RBFOX1: variants seen among roughly 807,000 people sequenced by gnomAD.
RBFOX1 encodes the protein RNA binding fox-1 homolog 1, also known as RNA binding protein fox-1 homolog 1.
A neutral mutation model predicts 57.7 loss-of-function variants in RBFOX1; 8 were observed. That is an observed-to-expected ratio of 0.14 (90% confidence interval 0.08 to 0.25). The LOEUF (loss-of-function observed/expected upper bound fraction) is 0.25. Among genes scored for constraint, RBFOX1 ranks in the 10% least tolerant of loss-of-function variants. RBFOX1 has a pLI of 1.00. For missense variants in RBFOX1, 611 were observed against 548.5 expected (o/e 1.11, Z -1.14); for synonymous variants, 326 against 222.4 (o/e 1.47, Z -4.15).
intron 4 of RBFOX1, among the ~76,000 whole-genome samples, chr16:7,085,959 A>G (rs1323978553): frequency 1.3e-5 from 2 of 152,110 alleles, no homozygotes; most frequent in Non-Finnish European, 2.9e-5. Context: ...TACTAAGCAG[A>G]TTGGTCAGTG....
chr16:5,348,190 TC>T (rs2065186911), intron 1 of RBFOX1, among the ~76,000 whole-genome samples: 1 of 149,562 alleles, frequency 6.7e-6, no homozygotes, highest in Non-Finnish European at 1.5e-5. Flanking sequence ...AATAATCTAC[TC>T]TTCCACCCGC....
intron 1 of RBFOX1, among the ~76,000 whole-genome samples, chr16:6,106,560 G>C (rs1028408817): frequency 6.6e-6 from 1 of 151,940 alleles, no homozygotes; most frequent in South Asian, 2.1e-4. Context: ...TCAATGAGAC[G>C]GTCATGGACT....
intron 3 of RBFOX1, among the ~76,000 whole-genome samples, chr16:5,843,874 A>G (rs1437345638): frequency 6.6e-6 from 1 of 152,236 alleles, no homozygotes; most frequent in African/African-American, 2.4e-5. Context: ...AGAAGTATGC[A>G]GCAAGCTCCA....
intron 3 of RBFOX1, among the ~76,000 whole-genome samples, chr16:6,738,558 A>G (rs940790680): frequency 2.8e-4 from 43 of 152,210 alleles, no homozygotes; most frequent in African/African-American, 1.0e-3. Context: ...CTCAACATCC[A>G]TCTCGCAACA....
At chr16:7,640,127 T>G (rs2062517762) in intron 11 of RBFOX1, among the ~76,000 whole-genome samples, 1 of 152,248 alleles carries the variant, frequency 6.6e-6, no homozygotes, top group Non-Finnish European at 1.5e-5. Flanking sequence ...GGTTCATTTG[T>G]ATTTTTAATC....
At chr16:7,657,932 A>G (rs906038161) in intron 12 of RBFOX1, among the ~76,000 whole-genome samples, 1 of 152,234 alleles carries the variant, frequency 6.6e-6, no homozygotes, top group Non-Finnish European at 1.5e-5. Context: ...CTAGGAAGAC[A>G]CTGGATTTAA....
chr16:7,067,072 A>G (rs1425539233), intron 4 of RBFOX1, among the ~76,000 whole-genome samples: 3 of 152,182 alleles, frequency 2.0e-5, no homozygotes, highest in Non-Finnish European at 4.4e-5. Context: ...GAAGGGACAC[A>G]CACAGAATCT....
intron 11 of RBFOX1, among the ~76,000 whole-genome samples, chr16:7,642,332 G>A (rs1568241382): frequency 1.3e-5 from 2 of 152,050 alleles, no homozygotes; most frequent in African/African-American, 2.4e-5. Context: ...TTTTAAGTCT[G>A]AAAGCTGATG....
intron 4 of RBFOX1, among the ~76,000 whole-genome samples, chr16:7,122,294 CAT>C (rs2151826367): frequency 6.6e-6 from 1 of 152,028 alleles, no homozygotes; most frequent in East Asian, 1.9e-4. Flanking sequence ...ACTCTCAAAA[CAT>C]AAAAGTAAGA....
chr16:6,810,470 C>T (rs955056162), intron 3 of RBFOX1, among the ~76,000 whole-genome samples: 19 of 152,036 alleles, frequency 1.2e-4, no homozygotes, highest in Non-Finnish European at 2.4e-4. Context: ...TCTAATTTTC[C>T]GTTCATGGCA....
At chr16:6,375,213 A>T (rs368148080) in intron 2 of RBFOX1, among the ~76,000 whole-genome samples, 1 of 152,060 alleles carries the variant, frequency 6.6e-6, no homozygotes, top group Non-Finnish European at 1.5e-5. Flanking sequence ...TGTGAACTTC[A>T]TGGGTGGCTT....
chr16:5,623,213 A>T (rs949203184), intron 3 of RBFOX1, among the ~76,000 whole-genome samples: 3 of 152,086 alleles, frequency 2.0e-5, no homozygotes, highest in African/African-American at 7.2e-5. Flanking sequence ...CTGAGAAGAG[A>T]AGGGGTGTGG....
intron 3 of RBFOX1, among the ~76,000 whole-genome samples, chr16:6,888,540 T>C (rs1395300158): frequency 6.6e-6 from 1 of 152,174 alleles, no homozygotes; most frequent in Non-Finnish European, 1.5e-5. Flanking sequence ...ATCTCCACAT[T>C]GTTTTTACTT....
intron 3 of RBFOX1, among the ~76,000 whole-genome samples, chr16:6,918,310 T>G (rs1335789479): frequency 6.6e-6 from 1 of 151,330 alleles, no homozygotes; most frequent in Admixed American, 6.6e-5. Context: ...AACACACATT[T>G]GGGGACTCCA....
intron 3 of RBFOX1, among the ~76,000 whole-genome samples, chr16:5,675,643 C>T (rs1430115436): frequency 1.3e-5 from 2 of 152,204 alleles, no homozygotes; most frequent in Non-Finnish European, 1.5e-5. Flanking sequence ...CGCGTGTCAT[C>T]GTGCAGCCCG....
At chr16:5,492,029 A>C (rs62018362) in intron 2 of RBFOX1, among the ~76,000 whole-genome samples, 9,964 of 152,292 alleles carry the variant, frequency 0.065, 461 homozygotes, top group Admixed American at 0.096. Context: ...GCCCCAGACC[A>C]GCAGTATCAG....
intron 2 of RBFOX1, among the ~76,000 whole-genome samples, chr16:6,462,688 T>G (rs4786871): frequency 6.7e-6 from 1 of 150,022 alleles, no homozygotes; most frequent in African/African-American, 2.4e-5. Context: ...AATATTACCA[T>G]GTTTTTACCC....
intron 1 of RBFOX1, among the ~76,000 whole-genome samples, chr16:5,275,500 AG>A (rs35848151): frequency 1.3e-5 from 2 of 152,220 alleles, no homozygotes; most frequent in African/African-American, 4.8e-5. Context: ...TACCCCTACA[AG>A]GAAAACTACA....
At chr16:6,945,054 C>T (rs1401651602) in intron 3 of RBFOX1, among the ~76,000 whole-genome samples, 1 of 152,078 alleles carries the variant, frequency 6.6e-6, no homozygotes, top group Non-Finnish European at 1.5e-5. Flanking sequence ...TGTTCTAATG[C>T]ATTATTGAGG....
Sources: allele counts gnomAD v4.1 joint callset (sites outside exome capture counted in the v4.1 genomes callset), GRCh38; gene constraint gnomAD v4.1.1; transcripts MANE v1.5; gene names NCBI Gene and HGNC (gene_info 2026-07-23, HGNC 2026-07-21).